The following GRM1 variants were observed in gnomAD, a reference collection of about 807,000 sequenced individuals.
GRM1 encodes the protein glutamate metabotropic receptor 1, also known as metabotropic glutamate receptor 1.
In GRM1, 33 loss-of-function variants were observed where a neutral mutation model predicts 90.9. The observed-to-expected ratio is 0.36, with a 90% CI of 0.28 to 0.49. The LOEUF is 0.49. Ranked by LOEUF, GRM1 falls within the 20% of genes least tolerant of loss-of-function variation. GRM1 has a pLI of 0.99. For synonymous variants in GRM1, 700 were observed against 613.2 expected, an observed-to-expected ratio of 1.14 and a Z score of -2.09; for missense variants, 1,190 against 1,534.3, an observed-to-expected ratio of 0.78 and a Z score of 3.75.
chr6:146,250,775 A>T (rs1219696922), intron 2 of GRM1, among the ~76,000 whole-genome samples: 6 of 152,144 alleles, frequency 3.9e-5, no homozygotes, highest in Admixed American at 3.9e-4. Flanking sequence ...TCTATTATGA[A>T]CCCCATACCT....
intron 1 of GRM1, among the ~76,000 whole-genome samples, chr6:146,126,678 T>C (rs1188629335): frequency 6.6e-6 from 1 of 152,190 alleles, no homozygotes; most frequent in African/African-American, 2.4e-5. Context: ...AAGATTCTCC[T>C]GTGTGTTTTG....
chr6:146,167,480 G>T (rs1033765782), intron 2 of GRM1, among the ~76,000 whole-genome samples: 5 of 152,062 alleles, frequency 3.3e-5, no homozygotes, highest in African/African-American at 1.2e-4. Flanking sequence ...ATTTTCCAAA[G>T]TGGCCATATA....
intron 1 of GRM1, among the ~76,000 whole-genome samples, chr6:146,098,019 G>A (rs1454905392): frequency 6.6e-6 from 1 of 151,872 alleles, no homozygotes; most frequent in Non-Finnish European, 1.5e-5. Context: ...TTCTTATTAT[G>A]GTGCACAAGC....
intron 2 of GRM1, among the ~76,000 whole-genome samples, chr6:146,268,474 A>C (rs1046028595): frequency 5.3e-5 from 8 of 152,202 alleles, no homozygotes; most frequent in African/African-American, 1.9e-4. Flanking sequence ...TCTTTCCTGC[A>C]TTCCTTCATT....
At chr6:146,124,468 T>C (rs1419716480) in intron 1 of GRM1, among the ~76,000 whole-genome samples, 1 of 152,152 alleles carries the variant, frequency 6.6e-6, no homozygotes, top group Non-Finnish European at 1.5e-5. Context: ...ATTTTTCTTA[T>C]CCTTTTAGAG....
At chr6:146,070,506 A>G (rs1273446312) in intron 1 of GRM1, among the ~76,000 whole-genome samples, 4 of 152,148 alleles carry the variant, frequency 2.6e-5, no homozygotes, top group Admixed American at 2.6e-4. Context: ...TTGCATTTCC[A>G]ATTGGATCAC....
rs971018316 is a variant in GRM1 at position 146,218,517 on chromosome 6, A to G, written c.950+58920A>G. ...AGGAAACTTTGCAAAATCATAAATG[A>G]TACATAAATAAGTGATGTGCTTGCA... is the stretch of plus-strand genomic sequence containing the variant. On this transcript the variant is annotated intron_variant, in intron 2 of 7. Transcript: ENST00000282753. 3.9e-5 allele frequency among the ~76,000 whole-genome samples: 6 copies of G among 152,226 alleles called. No individual in the cohort carries two copies. In the East Asian group the frequency reaches 9.6e-4, roughly 24 times the overall value.
At chr6:146,244,019 C>A (rs916773042) in intron 2 of GRM1, among the ~76,000 whole-genome samples, 7 of 152,174 alleles carry the variant, frequency 4.6e-5, no homozygotes, top group African/African-American at 1.2e-4. Flanking sequence ...GGCTCTCAGG[C>A]AGCCAGACCT....
At chr6:146,148,118 G>T (rs888678862) in intron 1 of GRM1, among the ~76,000 whole-genome samples, 2 of 152,130 alleles carry the variant, frequency 1.3e-5, no homozygotes, top group African/African-American at 4.8e-5. Context: ...TGTTATGTGG[G>T]CATTATGAGC....
intron 3 of GRM1, among the ~76,000 whole-genome samples, chr6:146,349,303 G>T (rs1156712886): frequency 6.7e-6 from 1 of 149,254 alleles, no homozygotes; most frequent in African/African-American, 2.5e-5. Flanking sequence ...GGATGGTCTC[G>T]ATCTCCTGAC....
intron 1 of GRM1, among the ~76,000 whole-genome samples, chr6:146,065,689 G>A (rs1052916714): frequency 1.1e-4 from 16 of 152,190 alleles, no homozygotes; most frequent in African/African-American, 3.9e-4. Context: ...CCTGATCCAC[G>A]TGGAATGAGA....
chr6:146,318,519 A>G (rs943105986), intron 3 of GRM1, among the ~76,000 whole-genome samples: 1 of 152,224 alleles, frequency 6.6e-6, no homozygotes, highest in Admixed American at 6.5e-5. Context: ...GTATATACCC[A>G]GTAATGGGAT....
chr6:146,232,296 T>C (rs1346978333), intron 2 of GRM1, among the ~76,000 whole-genome samples: 1 of 152,098 alleles, frequency 6.6e-6, no homozygotes, highest in Non-Finnish European at 1.5e-5. Context: ...TCTTGGCTTG[T>C]AGATCTATCT....
chr6:146,139,337 A>G (rs142076912), intron 1 of GRM1, among the ~76,000 whole-genome samples: 1,971 of 152,280 alleles, frequency 0.013, 22 homozygotes, highest in Admixed American at 0.025. Context: ...TATTTGATCT[A>G]TAGTGCAGAT....
chr6:146,268,648 A>G (rs1289366969), intron 2 of GRM1, among the ~76,000 whole-genome samples: 2 of 152,224 alleles, frequency 1.3e-5, no homozygotes, highest in Non-Finnish European at 2.9e-5. Context: ...GTCAGCTCAC[A>G]TACTACCTCC....
intron 2 of GRM1, among the ~76,000 whole-genome samples, chr6:146,185,691 G>A (rs1359091307): frequency 6.6e-6 from 1 of 152,126 alleles, no homozygotes; most frequent in African/African-American, 2.4e-5. Context: ...AACTTTGTGG[G>A]TGTCCTACCT....
intron 1 of GRM1, among the ~76,000 whole-genome samples, chr6:146,091,762 T>C (rs527984569): frequency 6.6e-6 from 1 of 152,092 alleles, no homozygotes; most frequent in African/African-American, 2.4e-5. Flanking sequence ...AAAGTCTATC[T>C]GAAGAATTGT....
rs192595889 is a variant in GRM1 at position 146,404,987 on chromosome 6, G to A, written c.2660+5288G>A. Among the ~76,000 whole-genome samples, 8 of 152,252 alleles carry A rather than the reference G, an allele frequency of 5.3e-5. No homozygotes were observed. The East Asian group carries it at 1.5e-3, about 29-fold the overall frequency. ...AAAGTTTTCTGAGCTTAATTCACTAGACTTGAAATACCAGTTATGCGAGCT... is the reference window on the plus strand; with the variant it reads ...AAAGTTTTCTGAGCTTAATTCACTAAACTTGAAATACCAGTTATGCGAGCT... On this transcript the variant is annotated intron_variant, in intron 7 of 7. Transcript: ENST00000282753.
chr6:146,227,166 CAG>C (rs1264080396), intron 2 of GRM1, among the ~76,000 whole-genome samples: 1 of 151,836 alleles, frequency 6.6e-6, no homozygotes, highest in Non-Finnish European at 1.5e-5. Flanking sequence ...TCTAAATACT[CAG>C]AAATATCTAA....
Sources: gnomAD v4.1 joint callset for allele counts (sites outside exome capture counted in the v4.1 genomes callset) on GRCh38, gnomAD v4.1.1 for gene constraint, MANE v1.5 for transcripts, NCBI Gene and HGNC (gene_info 2026-07-23, HGNC 2026-07-21) for gene names.